TTC29: variants seen among roughly 807,000 people sequenced by gnomAD.
TTC29 encodes the protein tetratricopeptide repeat protein 29.
Under a neutral mutation model 58.1 loss-of-function variants are expected in TTC29, and 49 were observed. The ratio of observed to expected loss-of-function variants is 0.84; its 90% CI spans 0.67 to 1.07. The LOEUF (loss-of-function observed/expected upper bound fraction) is 1.07, where lower values mean the gene tolerates loss of function less well. Among genes scored for constraint, TTC29 ranks in the 50% least tolerant of loss-of-function variants. The pLI is 0.00. For missense variants in TTC29, 582 were observed against 555.6 expected, an observed-to-expected ratio of 1.05 and a Z score of -0.48; for synonymous variants, 209 against 196.8, an observed-to-expected ratio of 1.06 and a Z score of -0.52.
intron 8 of TTC29, among the ~76,000 whole-genome samples, chr4:146,858,597 T>G (rs906070142): frequency 1.3e-5 from 2 of 152,216 alleles, no homozygotes; most frequent in Non-Finnish European, 2.9e-5. Context: ...ATTTCATAGA[T>G]GTATGATCAT....
chr4:146,786,987 G>A (rs1464196296), intron 11 of TTC29, among the ~76,000 whole-genome samples: 1 of 152,032 alleles, frequency 6.6e-6, no homozygotes, highest in Admixed American at 6.6e-5. Flanking sequence ...TGGGTGTGGT[G>A]GTATGCACCT....
In TTC29 at chr4:146,902,232, T is replaced by C. The variant is rs1733198362; in HGVS notation, c.586+1312A>G. On this transcript the variant is annotated intron_variant, in intron 6 of 12. Transcript: ENST00000325106. Reference sequence around the variant, plus strand: ...ATCACACTCCTTTCCTTGCCCTCCGTGTACAGAAGCTTAAGTCCAAGCTCT... The same window carrying C: ...ATCACACTCCTTTCCTTGCCCTCCGCGTACAGAAGCTTAAGTCCAAGCTCT... Among the ~76,000 whole-genome samples the C allele has an allele frequency of 2.0e-5, 3 of 152,138 alleles. No individual in the cohort carries two copies. In the South Asian group the frequency reaches 6.2e-4, roughly 32 times the overall value.
intron 11 of TTC29, among the ~76,000 whole-genome samples, chr4:146,723,530 A>G (rs1743537539): frequency 6.6e-6 from 1 of 152,222 alleles, no homozygotes; most frequent in African/African-American, 2.4e-5. Flanking sequence ...ACTTAATTAA[A>G]TGAGCAAAAG....
At chr4:146,757,946 T>A (rs982772203) in intron 11 of TTC29, among the ~76,000 whole-genome samples, 19 of 150,236 alleles carry the variant, frequency 1.3e-4, no homozygotes, top group Non-Finnish European at 4.4e-5. Context: ...AAAAACAAAA[T>A]ACACAGGCAA....
chr4:146,913,618 A>G (rs1396345572), intron 4 of TTC29, among the ~76,000 whole-genome samples: 1 of 152,116 alleles, frequency 6.6e-6, no homozygotes, highest in African/African-American at 2.4e-5. Flanking sequence ...GCTGGTGCTC[A>G]ATCAATCTGG....
At chr4:146,777,411 G>C (rs938850029) in intron 11 of TTC29, among the ~76,000 whole-genome samples, 3 of 151,892 alleles carry the variant, frequency 2.0e-5, no homozygotes, top group Admixed American at 1.3e-4. Context: ...AGCTAGGAGA[G>C]AGGAGTTTTT....
intron 6 of TTC29, among the ~76,000 whole-genome samples, chr4:146,899,946 C>T (rs1332458321): frequency 1.3e-5 from 2 of 152,214 alleles, no homozygotes; most frequent in Non-Finnish European, 2.9e-5. Context: ...CTAGCTGTTG[C>T]TGCAAGGCCT....
At chr4:146,894,351 T>TA (rs1293708337) in intron 6 of TTC29, among the ~76,000 whole-genome samples, 1 of 151,772 alleles carries the variant, frequency 6.6e-6, no homozygotes, top group African/African-American at 2.4e-5. Context: ...TATGCAGCCA[T>TA]AAAAAATGAT....
In TTC29 at chr4:146,732,900, T is replaced by C. The variant is rs116733145; in HGVS notation, c.1331-25349A>G. Among the ~76,000 whole-genome samples the C allele has an allele frequency of 8.2e-3, 1,253 of 152,216 alleles. 7 individuals carry two copies. The highest frequency in any genetic ancestry group is 0.017 in the Middle Eastern group (5 of 294). On this transcript the variant is annotated intron_variant, in intron 11 of 12. Coordinates refer to ENST00000325106, the MANE Select transcript of TTC29 (RefSeq NM_031956.4). ...AAAGTCAAGACCACCTGTCATAACT[T>C]TAGGCCCAAAGGTGTCAAAGGACAT...
At chr4:146,816,264 A>G (rs2150134759) in intron 10 of TTC29, among the ~76,000 whole-genome samples, 1 of 152,318 alleles carries the variant, frequency 6.6e-6, no homozygotes, top group Non-Finnish European at 1.5e-5. Flanking sequence ...TTCATATACT[A>G]TATCTTTTCT....
At chr4:146,837,589 A>G (rs1728595332) in intron 8 of TTC29, among the ~76,000 whole-genome samples, 1 of 152,130 alleles carries the variant, frequency 6.6e-6, no homozygotes, top group South Asian at 2.1e-4. Flanking sequence ...AAATTAATAA[A>G]TATTGATCAA....
At chr4:146,890,390 C>T (rs1184837024) in intron 6 of TTC29, among the ~76,000 whole-genome samples, 3 of 152,158 alleles carry the variant, frequency 2.0e-5, no homozygotes, top group Non-Finnish European at 2.9e-5. Flanking sequence ...GAGCTTCCAG[C>T]CCTCACATGA....
At chr4:146,815,689 A>C (rs2150134041) in intron 10 of TTC29, among the ~76,000 whole-genome samples, 1 of 152,330 alleles carries the variant, frequency 6.6e-6, no homozygotes, top group African/African-American at 2.4e-5. Context: ...TAGAAGAAAA[A>C]ATTTAGAGAA....
chr4:146,909,376 C>T (rs1733748131), intron 4 of TTC29, 127 bp from the exon 5 acceptor site: 2 of 718,446 alleles, frequency 2.8e-6, no homozygotes, highest in Admixed American at 5.5e-5. Context: ...GCACTGAAAA[C>T]TATCAAAAGA....
At position 146,909,020 on chromosome 4, in the gene TTC29, A is replaced by G. The variant is rs749311419; in HGVS notation, c.400+6T>C. The G allele has an allele frequency of 1.2e-6, 2 of 1,612,482 alleles. No homozygotes were observed. The highest frequency in any genetic ancestry group is 1.7e-6 in the Non-Finnish European group (2 of 1,178,960). ...TCTGTGCTCTGCCCACAGTCCCACC[A>G]CTTACCTTTCCTCTCAGCGTCCTCA... On this transcript the variant is annotated splice_donor_region_variant and intron_variant, in intron 5 of 12. Transcript: ENST00000325106.
rs1364117514 is a variant in TTC29 at position 146,903,463 on chromosome 4, C to T, written c.586+81G>A. ...TGCTGAAATCTCAGGTCTTTTTTCT[C>T]GACCACCACGTGTTTTTCCATTGTG... is the stretch of plus-strand genomic sequence containing the variant. On this transcript the variant is annotated intron_variant, in intron 6 of 12. Transcript: ENST00000325106. 1.2e-5 allele frequency: 15 copies of T among 1,284,438 alleles called. No homozygotes were observed. In the Admixed American group the frequency reaches 1.4e-4, roughly 12 times the overall value. The allele number at this position is 1,284,438 out of a possible 1,614,324, so 79.6% of individuals were successfully genotyped here.
At chr4:146,920,155 C>A (rs974241100) in intron 4 of TTC29, among the ~76,000 whole-genome samples, 5 of 151,006 alleles carry the variant, frequency 3.3e-5, no homozygotes, top group African/African-American at 1.2e-4. Context: ...ATGAAACTTT[C>A]TTTTGCAGAG....
At chr4:146,712,762 G>A (rs1340966989) in intron 11 of TTC29, among the ~76,000 whole-genome samples, 1 of 152,028 alleles carries the variant, frequency 6.6e-6, no homozygotes, top group Non-Finnish European at 1.5e-5. Flanking sequence ...GAGGCACCTA[G>A]GGACTTGCAA....
At chr4:146,739,573 T>C (rs192481344) in intron 11 of TTC29, among the ~76,000 whole-genome samples, 29 of 152,332 alleles carry the variant, frequency 1.9e-4, no homozygotes, top group African/African-American at 5.3e-4. Context: ...TTTCATAGAG[T>C]AAATGTTTAG....
Sources: gnomAD v4.1 joint callset for allele counts (sites outside exome capture counted in the v4.1 genomes callset) on GRCh38, gnomAD v4.1.1 for gene constraint, MANE v1.5 for transcripts, NCBI Gene and HGNC (gene_info 2026-07-23, HGNC 2026-07-21) for gene names.